Variants in NRXN1 observed in about 807,000 individuals in gnomAD.
The protein encoded by NRXN1 is neurexin-1.
NRXN1 carries 39 observed loss-of-function variants against 150.9 expected under a neutral mutation model. The observed-to-expected ratio is 0.26, with a 90% CI of 0.20 to 0.34. The LOEUF (loss-of-function observed/expected upper bound fraction) is 0.34. Among genes scored for constraint, NRXN1 ranks in the 10% least tolerant of loss-of-function variants. The pLI is 1.00. For missense variants in NRXN1, 1,815 were observed against 1,949.9 expected (o/e 0.93, Z 1.30); for synonymous variants, 924 against 757.0 (o/e 1.22, Z -3.62).
chr2:50,563,476 A>G (rs1358181233), intron 8 of NRXN1, among the ~76,000 whole-genome samples: 1 of 152,216 alleles, frequency 6.6e-6, no homozygotes, highest in African/African-American at 2.4e-5. Flanking sequence ...AGTTCCTTGT[A>G]ATAAAATACC....
chr2:50,018,907 G>A (rs1027143671), intron 21 of NRXN1, among the ~76,000 whole-genome samples: 2 of 152,166 alleles, frequency 1.3e-5, no homozygotes, highest in African/African-American at 2.4e-5. Context: ...AATCCTGTCT[G>A]TGTCTCATTT....
At chr2:50,946,733 G>A (rs192979796) in intron 2 of NRXN1, among the ~76,000 whole-genome samples, 65 of 151,992 alleles carry the variant, frequency 4.3e-4, no homozygotes, top group Non-Finnish European at 7.7e-4. Context: ...TTAAAAAAAC[G>A]CAAGACTTAT....
chr2:50,484,020 G>A (rs953884423), intron 15 of NRXN1, among the ~76,000 whole-genome samples: 2 of 152,146 alleles, frequency 1.3e-5, no homozygotes, highest in African/African-American at 4.8e-5. Flanking sequence ...AAATATAAAA[G>A]AACAGCTCTT....
At chr2:50,277,543 T>C (rs1025420339) in intron 17 of NRXN1, among the ~76,000 whole-genome samples, 2 of 123,622 alleles carry the variant, frequency 1.6e-5, no homozygotes, top group African/African-American at 6.2e-5. Context: ...TCTCTTCTTC[T>C]CTCTCCCTCT....
chr2:50,681,230 T>C (rs536792896), intron 5 of NRXN1, among the ~76,000 whole-genome samples: 27 of 152,268 alleles, frequency 1.8e-4, no homozygotes, highest in Admixed American at 1.1e-3. Context: ...CAGGGAAAAA[T>C]GTGCAAAAAC....
intron 5 of NRXN1, among the ~76,000 whole-genome samples, chr2:50,802,782 GAC>G (rs1237692875): frequency 6.6e-6 from 1 of 152,034 alleles, no homozygotes; most frequent in Non-Finnish European, 1.5e-5. Context: ...CAAAGAGATA[GAC>G]ACACACAGAG....
chr2:50,433,458 T>G (rs1421326495), intron 17 of NRXN1, among the ~76,000 whole-genome samples: 1 of 152,144 alleles, frequency 6.6e-6, no homozygotes, highest in Non-Finnish European at 1.5e-5. Flanking sequence ...TTTGGTACTG[T>G]TTTTGGAAGA....
At chr2:50,712,954 A>G (rs909158661) in intron 5 of NRXN1, among the ~76,000 whole-genome samples, 1 of 152,198 alleles carries the variant, frequency 6.6e-6, no homozygotes, top group Non-Finnish European at 1.5e-5. Context: ...TCATTTACAT[A>G]TTTTGTTTCC....
intron 21 of NRXN1, among the ~76,000 whole-genome samples, chr2:49,948,807 T>C (rs1287864612): frequency 6.6e-6 from 1 of 151,932 alleles, no homozygotes; most frequent in Non-Finnish European, 1.5e-5. Context: ...TTTATAACCT[T>C]TTTGAGAAAA....
chr2:50,860,369 G>C, intron 5 of NRXN1, among the ~76,000 whole-genome samples: 1 of 151,956 alleles, frequency 6.6e-6, no homozygotes, highest in East Asian at 1.9e-4. Flanking sequence ...TCTGTTTATA[G>C]AAATCAGAGA....
intron 5 of NRXN1, among the ~76,000 whole-genome samples, chr2:50,826,438 T>C (rs971170268): frequency 6.6e-6 from 1 of 151,984 alleles, no homozygotes; most frequent in African/African-American, 2.4e-5. Context: ...AAAAAGGAGT[T>C]GAAATTTAGA....
At chr2:50,489,441 C>G (rs1473611988) in intron 15 of NRXN1, among the ~76,000 whole-genome samples, 3 of 152,066 alleles carry the variant, frequency 2.0e-5, no homozygotes, top group African/African-American at 7.3e-5. Flanking sequence ...TGTGTTGCTG[C>G]AGGTTGTCAC....
At chr2:50,304,411 T>A (rs1209145898) in intron 17 of NRXN1, among the ~76,000 whole-genome samples, 2 of 152,216 alleles carry the variant, frequency 1.3e-5, no homozygotes, top group African/African-American at 4.8e-5. Flanking sequence ...ATACTCCAGA[T>A]ATCAAAAACA....
At chr2:50,540,263 G>A (rs931503357) in intron 9 of NRXN1, among the ~76,000 whole-genome samples, 24 of 152,154 alleles carry the variant, frequency 1.6e-4, no homozygotes, top group African/African-American at 2.4e-5. Flanking sequence ...AAGAGAAAAG[G>A]ACAAAGTATT....
At chr2:50,698,107 T>G (rs1486804295) in intron 5 of NRXN1, among the ~76,000 whole-genome samples, 2 of 152,246 alleles carry the variant, frequency 1.3e-5, no homozygotes, top group Non-Finnish European at 2.9e-5. Context: ...CATGAGAAAG[T>G]AAACATTGTG....
intron 18 of NRXN1, among the ~76,000 whole-genome samples, chr2:50,151,557 A>C (rs1294153119): frequency 6.6e-6 from 1 of 151,736 alleles, no homozygotes; most frequent in African/African-American, 2.4e-5. Flanking sequence ...TAGGGAAAGA[A>C]ACAATTGTAA....
intron 21 of NRXN1, among the ~76,000 whole-genome samples, chr2:49,995,712 C>T (rs1243144645): frequency 1.5e-5 from 2 of 130,902 alleles, no homozygotes; most frequent in Admixed American, 9.0e-5. Context: ...ACCTGGGAGG[C>T]GGAGCTTGCA....
chr2:50,417,749 G>A (rs532650504), intron 17 of NRXN1, among the ~76,000 whole-genome samples: 1 of 151,632 alleles, frequency 6.6e-6, no homozygotes, highest in South Asian at 2.1e-4. Context: ...ATTGAGGCCT[G>A]GAAAAAGAGT....
At chr2:50,045,029 C>G (rs1019218745) in intron 21 of NRXN1, among the ~76,000 whole-genome samples, 3 of 152,068 alleles carry the variant, frequency 2.0e-5, no homozygotes, top group South Asian at 2.1e-4. Context: ...ATAGTGATAA[C>G]AAGAATACAG....
Sources: gnomAD v4.1 joint callset for allele counts (sites outside exome capture counted in the v4.1 genomes callset) on GRCh38, gnomAD v4.1.1 for gene constraint, MANE v1.5 for transcripts, NCBI Gene and HGNC (gene_info 2026-07-23, HGNC 2026-07-21) for gene names.